Variants in LSAMP observed in about 807,000 individuals in gnomAD.
LSAMP encodes limbic system associated membrane protein, also known as limbic system-associated membrane protein.
A neutral mutation model predicts 38.6 loss-of-function variants in LSAMP; 7 were observed. The ratio of observed to expected loss-of-function variants is 0.18; its 90% confidence interval spans 0.10 to 0.34. LSAMP has a LOEUF of 0.34. Among genes scored for constraint, LSAMP ranks in the 10% least tolerant of loss-of-function variants. The pLI, the probability that LSAMP is intolerant of heterozygous loss-of-function variation, is 1.00. For missense variants in LSAMP, 313 were observed against 420.0 expected, an observed-to-expected ratio of 0.75 and a Z score of 2.23; for synonymous variants, 154 against 166.8, an observed-to-expected ratio of 0.92 and a Z score of 0.59.
chr3:116,445,182 T>G lies in LSAMP; in HGVS notation c.-151A>C. 1.5e-6 allele frequency: 1 copy of G among 687,122 alleles called. No homozygotes were observed. The highest frequency in any genetic ancestry group is 2.4e-6 in the Non-Finnish European group (1 of 413,722). The allele number at this position is 687,122 out of a possible 1,614,324, so 42.6% of individuals were successfully genotyped here. A position where few individuals can be genotyped will look rare whatever the true frequency, so the allele number is the denominator to read the frequency against. On this transcript the variant is annotated 5_prime_UTR_variant, in exon 1 of 7. Coordinates refer to ENST00000490035, the MANE Select transcript of LSAMP (RefSeq NM_002338.5). The stretch of plus-strand genomic sequence containing the variant: ...GGTCCTTTCCACTTTGCCTCTCTCT[T>G]TCCCTCGCTCAGTCTCTTTTCCCTC...
intron 1 of LSAMP, among the ~76,000 whole-genome samples, chr3:116,349,360 A>C (rs1363697472): frequency 1.3e-5 from 2 of 151,922 alleles, no homozygotes; most frequent in African/African-American, 4.8e-5. Flanking sequence ...AATATATTAG[A>C]TATGTGTCTA....
chr3:116,109,327 A>G (rs62269170), intron 1 of LSAMP, among the ~76,000 whole-genome samples: 2 of 151,904 alleles, frequency 1.3e-5, no homozygotes, highest in Non-Finnish European at 2.9e-5. Context: ...GGAGGAGCAG[A>G]GGCTGAGGAA....
rs781185691 is a variant in LSAMP at position 116,261,602 on chromosome 3, T to A, written c.156-175046A>T. On this transcript the variant is annotated intron_variant, in intron 1 of 6. Transcript: ENST00000490035. ...AAGTTATCTGTATTTTAAACAATTTTCTGATTAAAAAACAATTATTTATCT... is the reference window on the plus strand; with the variant it reads ...AAGTTATCTGTATTTTAAACAATTTACTGATTAAAAAACAATTATTTATCT... Among the ~76,000 whole-genome samples the A allele has an allele frequency of 3.9e-5, 6 of 152,314 alleles. 1 individual carries two copies. The South Asian group carries it at 8.3e-4, about 21-fold the overall frequency.
chr3:116,097,669 C>T (rs929718225), intron 1 of LSAMP, among the ~76,000 whole-genome samples: 8 of 152,074 alleles, frequency 5.3e-5, no homozygotes, highest in African/African-American at 1.9e-4. Context: ...GGTTTGCCTT[C>T]CCTGGTAGAG....
Position 115,926,288 on chromosome 3 carries a change from C to T in LSAMP, c.515-73671G>A, listed in dbSNP as rs1260966550. On this transcript the variant is annotated intron_variant, in intron 3 of 6. Transcript: ENST00000490035. ...CTCATACAGAGGGATTAAGGGAACT[C>T]ATTGGAACAAGTGCTGCCTTCAAAT... Among the ~76,000 whole-genome samples, 4 of 152,138 alleles carry T rather than the reference C, an allele frequency of 2.6e-5. No homozygotes were observed. The South Asian group carries it at 8.3e-4, about 32-fold the overall frequency.
intron 1 of LSAMP, among the ~76,000 whole-genome samples, chr3:116,154,221 A>G (rs1239677544): frequency 2.6e-5 from 4 of 152,176 alleles, no homozygotes; most frequent in Non-Finnish European, 5.9e-5. Flanking sequence ...ATTATTAATC[A>G]CAAATATCTA....
At chr3:115,847,477 C>T (rs1935195983) in intron 4 of LSAMP, among the ~76,000 whole-genome samples, 1 of 152,132 alleles carries the variant, frequency 6.6e-6, no homozygotes, top group Non-Finnish European at 1.5e-5. Context: ...CCCAATACAC[C>T]TTCCAATTTG....
rs575993349 is a variant in LSAMP at position 115,897,219 on chromosome 3, T to G, written c.515-44602A>C. 2.6e-5 allele frequency among the ~76,000 whole-genome samples: 4 copies of G among 152,212 alleles called. No homozygotes were observed. In the East Asian group the frequency reaches 7.7e-4, roughly 29 times the overall value. On this transcript the variant is annotated intron_variant, in intron 3 of 6. Transcript: ENST00000490035. ...CCAGCTATTAATAAAGCTGATCATT[T>G]TTCCCCTCATTTGGCCAGGGTTGTT...
intron 1 of LSAMP, among the ~76,000 whole-genome samples, chr3:116,178,096 C>CGTGTGTGTGT (rs10662261): frequency 1.3e-5 from 2 of 150,038 alleles, no homozygotes; most frequent in Non-Finnish European, 3.0e-5. Context: ...GTCTTGTGTA[C>CGTGTGTGTGT]GTGTGTGTGT....
At chr3:115,929,025 C>G (rs561880901) in intron 3 of LSAMP, among the ~76,000 whole-genome samples, 2 of 124,186 alleles carry the variant, frequency 1.6e-5, no homozygotes, top group Admixed American at 1.1e-4. Flanking sequence ...TAGCGCTTAG[C>G]TGTAATAATA....
At chr3:115,878,548 G>A (rs924825273) in intron 3 of LSAMP, among the ~76,000 whole-genome samples, 8 of 128,120 alleles carry the variant, frequency 6.2e-5, no homozygotes, top group South Asian at 2.6e-4. Flanking sequence ...GGCAACCTCC[G>A]CTTCCTGGCT....
intron 1 of LSAMP, among the ~76,000 whole-genome samples, chr3:116,089,861 T>G (rs998231230): frequency 6.6e-6 from 1 of 152,044 alleles, no homozygotes; most frequent in Admixed American, 6.5e-5. Context: ...TTCCTTTTTA[T>G]GTACTCAGTA....
chr3:116,267,683 GT>G (rs1324884331), intron 1 of LSAMP, among the ~76,000 whole-genome samples: 5 of 150,754 alleles, frequency 3.3e-5, no homozygotes, highest in African/African-American at 1.2e-4. Flanking sequence ...AAGACCCTCT[GT>G]TCTGACGCCA....
intron 1 of LSAMP, among the ~76,000 whole-genome samples, chr3:116,423,933 T>A (rs963715380): frequency 3.9e-5 from 6 of 152,266 alleles, no homozygotes; most frequent in Admixed American, 6.5e-5. Flanking sequence ...CAGTATTTTT[T>A]AAAAAATTTA....
At chr3:115,857,513 G>C (rs1461637456) in intron 3 of LSAMP, among the ~76,000 whole-genome samples, 1 of 152,024 alleles carries the variant, frequency 6.6e-6, no homozygotes, top group Non-Finnish European at 1.5e-5. Context: ...ATTATTTTTT[G>C]CCCTTACAGA....
At chr3:116,193,278 A>G (rs1175877480) in intron 1 of LSAMP, among the ~76,000 whole-genome samples, 2 of 152,184 alleles carry the variant, frequency 1.3e-5, no homozygotes, top group South Asian at 4.1e-4. Context: ...TGATTGTCCA[A>G]CTTCTCCTCT....
chr3:116,012,527 T>C (rs1171354302), intron 3 of LSAMP, among the ~76,000 whole-genome samples: 1 of 152,214 alleles, frequency 6.6e-6, no homozygotes, highest in Non-Finnish European at 1.5e-5. Context: ...GAATAAGCCA[T>C]GTCAGAACTT....
intron 1 of LSAMP, among the ~76,000 whole-genome samples, chr3:116,328,005 C>T (rs145682083): frequency 6.6e-6 from 1 of 152,108 alleles, no homozygotes; most frequent in Non-Finnish European, 1.5e-5. Context: ...GTTTCACTCA[C>T]CTCCCTTCTC....
intron 3 of LSAMP, among the ~76,000 whole-genome samples, chr3:115,885,021 A>G (rs1936415914): frequency 6.6e-6 from 1 of 152,098 alleles, no homozygotes; most frequent in East Asian, 1.9e-4. Flanking sequence ...TATTAAATAT[A>G]TAAAATTGAA....
Sources: gnomAD v4.1 joint callset for allele counts (sites outside exome capture counted in the v4.1 genomes callset) on GRCh38, gnomAD v4.1.1 for gene constraint, MANE v1.5 for transcripts, NCBI Gene and HGNC (gene_info 2026-07-23, HGNC 2026-07-21) for gene names.